SGCZ: variants seen among roughly 807,000 people sequenced by gnomAD.
The protein encoded by SGCZ is sarcoglycan zeta, also known as zeta-sarcoglycan.
SGCZ carries 40 observed loss-of-function variants against 41.3 expected under a neutral mutation model. The ratio of observed to expected loss-of-function variants is 0.97; its 90% CI spans 0.75 to 1.26. SGCZ has a LOEUF of 1.26. Among genes scored for constraint, SGCZ ranks in the 50% most tolerant of loss-of-function variants. SGCZ has a pLI of 0.00. For synonymous variants in SGCZ, 206 were observed against 137.5 expected, an observed-to-expected ratio of 1.50 and a Z score of -3.49; for missense variants, 552 against 369.8, an observed-to-expected ratio of 1.49 and a Z score of -4.04.
chr8:15,228,609 A>G (rs1192639285), intron 1 of SGCZ, among the ~76,000 whole-genome samples: 1 of 152,222 alleles, frequency 6.6e-6, no homozygotes, highest in Admixed American at 6.5e-5. Flanking sequence ...CCAAAGTAAC[A>G]GACAACAGAA....
chr8:14,384,192 A>T (rs1804481337), intron 2 of SGCZ, among the ~76,000 whole-genome samples: 1 of 151,690 alleles, frequency 6.6e-6, no homozygotes, highest in Non-Finnish European at 1.5e-5. Flanking sequence ...TTCAATTCCC[A>T]CCTATGAGTG....
chr8:15,010,884 C>G (rs1802802714), intron 1 of SGCZ, among the ~76,000 whole-genome samples: 1 of 152,188 alleles, frequency 6.6e-6, no homozygotes, highest in South Asian at 2.1e-4. Flanking sequence ...AGATGCTGCT[C>G]CCTATACATT....
intron 1 of SGCZ, among the ~76,000 whole-genome samples, chr8:14,747,709 G>A (rs1799378694): frequency 7.5e-6 from 1 of 133,854 alleles, no homozygotes; most frequent in Admixed American, 7.7e-5. Context: ...GTGTATTTGT[G>A]TGTGTGTGTG....
intron 1 of SGCZ, among the ~76,000 whole-genome samples, chr8:15,154,206 C>A (rs1348653738): frequency 6.6e-6 from 1 of 152,146 alleles, no homozygotes; most frequent in African/African-American, 2.4e-5. Flanking sequence ...GCAAAGACAA[C>A]CTAACACAGT....
intron 1 of SGCZ, among the ~76,000 whole-genome samples, chr8:15,150,436 C>A (rs1261036749): frequency 1.3e-5 from 2 of 152,194 alleles, no homozygotes; most frequent in Non-Finnish European, 1.5e-5. Flanking sequence ...GGGCCATAGA[C>A]CCTGCTGAGC....
intron 1 of SGCZ, among the ~76,000 whole-genome samples, chr8:15,191,765 T>A (rs1869579): frequency 0.34 from 51,647 of 151,848 alleles, 11,341 homozygotes; most frequent in Non-Finnish European, 0.46. Flanking sequence ...ACTGATATAT[T>A]TCAGAAAAGT....
chr8:14,831,840 A>G (rs1001051858), intron 1 of SGCZ, among the ~76,000 whole-genome samples: 4 of 152,228 alleles, frequency 2.6e-5, no homozygotes, highest in Admixed American at 6.5e-5. Context: ...ATATGTGTGC[A>G]CATACATGTA....
chr8:14,209,946 AT>A (rs1805745525), intron 4 of SGCZ, among the ~76,000 whole-genome samples: 1 of 152,124 alleles, frequency 6.6e-6, no homozygotes, highest in Non-Finnish European at 1.5e-5. Flanking sequence ...TACATTTCTC[AT>A]TTATTTACTT....
intron 2 of SGCZ, among the ~76,000 whole-genome samples, chr8:14,539,442 T>G (rs1189821887): frequency 6.6e-6 from 1 of 151,796 alleles, no homozygotes; most frequent in East Asian, 1.9e-4. Flanking sequence ...AGGAGGCAAG[T>G]TTTATTCTGG....
chr8:14,359,901 A>G (rs1252575142), intron 2 of SGCZ, among the ~76,000 whole-genome samples: 2 of 152,270 alleles, frequency 1.3e-5, no homozygotes, highest in Non-Finnish European at 2.9e-5. Flanking sequence ...TCAATATGTT[A>G]AAAAGATCAT....
intron 1 of SGCZ, among the ~76,000 whole-genome samples, chr8:14,725,487 G>A (rs913012000): frequency 1.3e-5 from 2 of 152,102 alleles, no homozygotes; most frequent in African/African-American, 4.8e-5. Context: ...GGTAGCATCT[G>A]TTATTTTTTG....
chr8:14,539,410 G>A (rs746105021), intron 2 of SGCZ, among the ~76,000 whole-genome samples: 2 of 151,980 alleles, frequency 1.3e-5, no homozygotes, highest in Non-Finnish European at 2.9e-5. Flanking sequence ...GAACTCAGGG[G>A]TCAGGGAAGG....
At chr8:14,824,055 G>C (rs972649907) in intron 1 of SGCZ, among the ~76,000 whole-genome samples, 1 of 152,012 alleles carries the variant, frequency 6.6e-6, no homozygotes, top group Non-Finnish European at 1.5e-5. Context: ...GGATATCATA[G>C]AAGCAAAGAA....
intron 3 of SGCZ, among the ~76,000 whole-genome samples, chr8:14,313,009 A>G (rs1358937050): frequency 6.6e-6 from 1 of 152,202 alleles, no homozygotes; most frequent in Non-Finnish European, 1.5e-5. Flanking sequence ...GGTTAAGGAC[A>G]TAAGGATCAA....
At chr8:15,004,843 C>G (rs1021830479) in intron 1 of SGCZ, among the ~76,000 whole-genome samples, 2 of 151,812 alleles carry the variant, frequency 1.3e-5, no homozygotes, top group African/African-American at 4.8e-5. Flanking sequence ...AATGAGGGTT[C>G]CCAAGTGTTT....
At chr8:14,146,727 C>T (rs980677796) in intron 5 of SGCZ, among the ~76,000 whole-genome samples, 14 of 150,024 alleles carry the variant, frequency 9.3e-5, no homozygotes, top group African/African-American at 3.5e-4. Context: ...AAAAAATTAG[C>T]CGGGCGTAGT....
chr8:14,327,628 C>G (rs1302225956), intron 2 of SGCZ, among the ~76,000 whole-genome samples: 1 of 152,182 alleles, frequency 6.6e-6, no homozygotes, highest in African/African-American at 2.4e-5. Flanking sequence ...TGTGTTATTA[C>G]TTATGCTATG....
intron 3 of SGCZ, among the ~76,000 whole-genome samples, chr8:14,290,915 C>T (rs1800817992): frequency 1.3e-5 from 2 of 152,004 alleles, no homozygotes; most frequent in Admixed American, 6.6e-5. Context: ...CAGTATTCAC[C>T]ATAGCTAAAA....
intron 1 of SGCZ, among the ~76,000 whole-genome samples, chr8:14,745,522 C>A (rs1157258615): frequency 2.0e-5 from 3 of 152,004 alleles, no homozygotes; most frequent in Non-Finnish European, 4.4e-5. Flanking sequence ...TTTGAGGCTG[C>A]AGTGATCTAT....
Sources: gnomAD v4.1 joint callset for allele counts (sites outside exome capture counted in the v4.1 genomes callset) on GRCh38, gnomAD v4.1.1 for gene constraint, MANE v1.5 for transcripts, NCBI Gene and HGNC (gene_info 2026-07-23, HGNC 2026-07-21) for gene names.